Variants in CADM2 observed in about 807,000 individuals in gnomAD.
CADM2 encodes cell adhesion molecule 2.
In CADM2, 12 loss-of-function variants were observed where a neutral mutation model predicts 49.8. That is an observed-to-expected ratio of 0.24 (90% CI 0.15 to 0.39). The LOEUF is 0.39. Ranked by LOEUF, CADM2 falls within the 10% of genes least tolerant of loss-of-function variation. The probability of loss-of-function intolerance (pLI) is 1.00; values close to 1 mark genes in which losing one functional copy is unlikely to be tolerated. For missense variants in CADM2, 378 were observed against 492.3 expected, an observed-to-expected ratio of 0.77 and a Z score of 2.20; for synonymous variants, 214 against 175.4, an observed-to-expected ratio of 1.22 and a Z score of -1.74.
intron 3 of CADM2, among the ~76,000 whole-genome samples, chr3:85,832,161 G>A (rs1440664601): frequency 6.6e-6 from 1 of 151,718 alleles, no homozygotes; most frequent in Non-Finnish European, 1.5e-5. Context: ...TTTATTTCTG[G>A]TTTCTCTATT....
At chr3:85,837,985 G>A (rs1017817095) in intron 3 of CADM2, among the ~76,000 whole-genome samples, 9 of 151,606 alleles carry the variant, frequency 5.9e-5, no homozygotes, top group Admixed American at 2.6e-4. Context: ...ATTCACTGGG[G>A]CATTATCACT....
chr3:85,004,043 G>A (rs182841426), intron 1 of CADM2, among the ~76,000 whole-genome samples: 2 of 152,104 alleles, frequency 1.3e-5, no homozygotes, highest in Non-Finnish European at 2.9e-5. Context: ...TTTTTAAGAG[G>A]CTGTTGAGCT....
At chr3:85,757,279 G>T (rs2069165910) in intron 2 of CADM2, among the ~76,000 whole-genome samples, 1 of 152,056 alleles carries the variant, frequency 6.6e-6, no homozygotes, top group African/African-American at 2.4e-5. Context: ...ATTTGTTCAT[G>T]CTTTAACTTA....
chr3:85,701,339 G>C (rs1002706161), intron 1 of CADM2, among the ~76,000 whole-genome samples: 2 of 152,224 alleles, frequency 1.3e-5, no homozygotes, highest in East Asian at 3.9e-4. Flanking sequence ...ATTTGGGTAG[G>C]GACACAGATC....
intron 3 of CADM2, among the ~76,000 whole-genome samples, chr3:85,854,503 A>G (rs1577481042): frequency 6.6e-6 from 1 of 152,178 alleles, no homozygotes; most frequent in African/African-American, 2.4e-5. Context: ...TCTGGAAACC[A>G]TAATTCTCAG....
chr3:85,976,167 C>T lies in CADM2; in HGVS notation c.970+14520C>T, dbSNP rs377668211. ...TTTCAATATTGGGGAATATTTTAAG[C>T]GGTATCATTTTACAAGGGATAAAAT... On this transcript the variant is annotated intron_variant, in intron 8 of 9. Transcript: ENST00000383699. 4.6e-5 allele frequency among the ~76,000 whole-genome samples: 7 copies of T among 151,528 alleles called. No individual in the cohort carries two copies. In the South Asian group the frequency reaches 1.0e-3, roughly 22 times the overall value.
chr3:86,010,695 G>T (rs1319646193), intron 8 of CADM2, among the ~76,000 whole-genome samples: 1 of 150,950 alleles, frequency 6.6e-6, no homozygotes, highest in Non-Finnish European at 1.5e-5. Context: ...AAAATAAATA[G>T]AACATAATAA....
intron 5 of CADM2, among the ~76,000 whole-genome samples, chr3:85,889,606 A>C (rs1311888454): frequency 2.0e-5 from 3 of 152,210 alleles, no homozygotes; most frequent in Non-Finnish European, 2.9e-5. Flanking sequence ...AATAAGGACA[A>C]TAATGGTTGC....
intron 1 of CADM2, among the ~76,000 whole-genome samples, chr3:85,655,669 C>A (rs940303852): frequency 6.6e-6 from 1 of 152,116 alleles, no homozygotes; most frequent in Middle Eastern, 3.2e-3. Context: ...TAATGACCTT[C>A]CTAAAAGCAC....
At chr3:85,673,169 A>G (rs895842092) in intron 1 of CADM2, among the ~76,000 whole-genome samples, 1 of 152,194 alleles carries the variant, frequency 6.6e-6, no homozygotes, top group African/African-American at 2.4e-5. Context: ...CCATTAACCA[A>G]AAAAGCCCTC....
intron 1 of CADM2, among the ~76,000 whole-genome samples, chr3:85,578,469 G>A (rs534995042): frequency 1.5e-4 from 23 of 152,284 alleles, no homozygotes; most frequent in Admixed American, 5.2e-4. Flanking sequence ...ACAGGGCAAA[G>A]GCCATACTTA....
chr3:85,894,181 G>A (rs1255519711), intron 5 of CADM2, among the ~76,000 whole-genome samples: 1 of 150,770 alleles, frequency 6.6e-6, no homozygotes, highest in Non-Finnish European at 1.5e-5. Context: ...AAAATGATGA[G>A]TTCATGTCCT....
intron 5 of CADM2, among the ~76,000 whole-genome samples, chr3:85,898,937 G>GTGTGTGTA (rs796467067): frequency 2.1e-5 from 1 of 46,680 alleles, no homozygotes; most frequent in African/African-American, 1.1e-4. Flanking sequence ...CATTTATTGT[G>GTGTGTGTA]TATATATATA....
chr3:85,125,745 A>G (rs111503886), intron 1 of CADM2, among the ~76,000 whole-genome samples: 5 of 152,220 alleles, frequency 3.3e-5, no homozygotes, highest in South Asian at 2.1e-4. Context: ...CCAATAATTC[A>G]TAACTGTAGC....
intron 1 of CADM2, among the ~76,000 whole-genome samples, chr3:85,021,668 G>A (rs953166020): frequency 1.2e-4 from 19 of 152,064 alleles, no homozygotes; most frequent in African/African-American, 4.3e-4. Flanking sequence ...CCAGCTTCTC[G>A]AGAGGCTGAG....
At chr3:85,176,502 C>T (rs1256144147) in intron 1 of CADM2, among the ~76,000 whole-genome samples, 1 of 152,042 alleles carries the variant, frequency 6.6e-6, no homozygotes, top group African/African-American at 2.4e-5. Flanking sequence ...CAGTAATGTG[C>T]AGTTTGCTTT....
At position 84,959,546 on chromosome 3, in the gene CADM2, G is replaced by T. The variant is rs1433093741; in HGVS notation, c.-62G>T. On this transcript the variant is annotated 5_prime_UTR_variant, in exon 1 of 10. Transcript: ENST00000383699. The stretch of plus-strand genomic sequence containing the variant: ...CACCAGCGGAGCCCTGCACTCTCGT[G>T]CCCCGCTCACCAGCATCTACTTGCC... 7 of 1,470,402 alleles carry T rather than the reference G, an allele frequency of 4.8e-6. No homozygotes were observed. The highest frequency in any genetic ancestry group is 9.2e-7 in the Non-Finnish European group (1 of 1,086,710). The allele number at this position is 1,470,402 out of a possible 1,614,324, so 91.1% of individuals were successfully genotyped here. A position where few individuals can be genotyped will look rare whatever the true frequency, so the allele number is the denominator to read the frequency against.
At chr3:85,159,025 A>G (rs1035381406) in intron 1 of CADM2, among the ~76,000 whole-genome samples, 10 of 152,148 alleles carry the variant, frequency 6.6e-5, no homozygotes, top group Admixed American at 2.6e-4. Flanking sequence ...TATAAGTTTT[A>G]AAACAGTTTA....
intron 1 of CADM2, among the ~76,000 whole-genome samples, chr3:85,450,260 A>G (rs529170043): frequency 6.6e-6 from 1 of 152,300 alleles, no homozygotes; most frequent in Admixed American, 6.5e-5. Context: ...TACTTATCCA[A>G]TAAATACATT....
Sources: gnomAD v4.1 joint callset for allele counts (sites outside exome capture counted in the v4.1 genomes callset) on GRCh38, gnomAD v4.1.1 for gene constraint, MANE v1.5 for transcripts, NCBI Gene and HGNC (gene_info 2026-07-23, HGNC 2026-07-21) for gene names.